The following NLGN1 variants were observed in gnomAD, a reference collection of about 807,000 sequenced individuals.
NLGN1 encodes the protein neuroligin 1.
Under a neutral mutation model 65.5 loss-of-function variants are expected in NLGN1, and 12 were observed. That is an observed-to-expected ratio of 0.18 (90% CI 0.12 to 0.30). The LOEUF is 0.30. Ranked by LOEUF, NLGN1 falls within the 10% of genes least tolerant of loss-of-function variation. NLGN1 has a pLI of 1.00. For missense variants in NLGN1, 750 were observed against 1,007.1 expected, an observed-to-expected ratio of 0.74 and a Z score of 3.46; for synonymous variants, 350 against 359.5, an observed-to-expected ratio of 0.97 and a Z score of 0.30.
chr3:173,680,966 C>T (rs1298487994), intron 3 of NLGN1, among the ~76,000 whole-genome samples: 1 of 151,882 alleles, frequency 6.6e-6, no homozygotes, highest in Non-Finnish European at 1.5e-5. Flanking sequence ...TTTTTAAAAC[C>T]CTATAATAAT....
At chr3:173,536,884 G>A (rs1424038937) in intron 2 of NLGN1, among the ~76,000 whole-genome samples, 2 of 152,142 alleles carry the variant, frequency 1.3e-5, no homozygotes, top group Admixed American at 1.3e-4. Flanking sequence ...CAGGAGAACT[G>A]TTGTTATAAT....
At chr3:173,472,715 TA>T (rs1204524699) in intron 2 of NLGN1, among the ~76,000 whole-genome samples, 1 of 152,106 alleles carries the variant, frequency 6.6e-6, no homozygotes, top group Non-Finnish European at 1.5e-5. Context: ...TGGGAATACA[TA>T]AAAAACGTCA....
chr3:174,115,384 A>G (rs1047288423), intron 4 of NLGN1, among the ~76,000 whole-genome samples: 8 of 152,194 alleles, frequency 5.3e-5, no homozygotes, highest in Non-Finnish European at 1.0e-4. Context: ...GGAAAACAAG[A>G]TTCGATCTCA....
intron 3 of NLGN1, among the ~76,000 whole-genome samples, chr3:173,620,749 A>C (rs1173253146): frequency 6.6e-6 from 1 of 152,124 alleles, no homozygotes; most frequent in East Asian, 1.9e-4. Flanking sequence ...GATAGATAAC[A>C]CAGAAGTGGG....
chr3:174,212,269 C>A (rs1008964705), intron 4 of NLGN1, among the ~76,000 whole-genome samples: 1 of 152,206 alleles, frequency 6.6e-6, no homozygotes, highest in African/African-American at 2.4e-5. Context: ...GCTCTGAGTG[C>A]GGGGCCCTCC....
chr3:173,667,391 T>A (rs1341041340), intron 3 of NLGN1, among the ~76,000 whole-genome samples: 1 of 152,148 alleles, frequency 6.6e-6, no homozygotes, highest in East Asian at 1.9e-4. Flanking sequence ...AATTTTGGAC[T>A]TGAAGAAAAA....
At chr3:174,235,187 T>A (rs1174892596) in intron 4 of NLGN1, among the ~76,000 whole-genome samples, 1 of 151,916 alleles carries the variant, frequency 6.6e-6, no homozygotes, top group Admixed American at 6.6e-5. Flanking sequence ...TCCAAATTTA[T>A]TTAGAAATCT....
At chr3:174,181,841 C>T (rs762064488) in intron 4 of NLGN1, among the ~76,000 whole-genome samples, 60 of 147,768 alleles carry the variant, frequency 4.1e-4, no homozygotes, top group East Asian at 1.9e-4. Context: ...GCCAGCATGG[C>T]GGCATGTGCC....
intron 4 of NLGN1, among the ~76,000 whole-genome samples, chr3:174,127,773 G>A (rs763355424): frequency 3.4e-4 from 51 of 152,026 alleles, no homozygotes; most frequent in Non-Finnish European, 6.2e-4. Context: ...CAATAAGTTG[G>A]GTCCATTTAA....
chr3:173,427,735 T>C lies in NLGN1; in HGVS notation c.-389-7275T>C, dbSNP rs796114002. Among the ~76,000 whole-genome samples the C allele has an allele frequency of 4.6e-5, 7 of 151,948 alleles. No homozygotes were observed. The South Asian group carries it at 1.2e-3, about 27-fold the overall frequency. ...CAGACTTGCTTTGTGGCCTAAGATATGGTCTATCCTGGAGAAGTTCAATAG... is the reference window on the plus strand; with the variant it reads ...CAGACTTGCTTTGTGGCCTAAGATACGGTCTATCCTGGAGAAGTTCAATAG... On this transcript the variant is annotated intron_variant, in intron 1 of 6. Coordinates refer to ENST00000457714, the Ensembl canonical transcript of NLGN1.
chr3:173,654,227 T>C (rs1759639212), intron 3 of NLGN1, among the ~76,000 whole-genome samples: 1 of 152,188 alleles, frequency 6.6e-6, no homozygotes, highest in Non-Finnish European at 1.5e-5. Context: ...TGTCATCAAA[T>C]ACTCTTTATA....
intron 3 of NLGN1, among the ~76,000 whole-genome samples, chr3:173,612,026 A>G (rs950517926): frequency 2.6e-5 from 4 of 151,950 alleles, no homozygotes; most frequent in Non-Finnish European, 5.9e-5. Context: ...TGAGTTCTAT[A>G]TTACTCACCA....
intron 4 of NLGN1, among the ~76,000 whole-genome samples, chr3:174,052,667 C>T (rs979133341): frequency 6.6e-5 from 10 of 151,998 alleles, no homozygotes; most frequent in Non-Finnish European, 1.2e-4. Flanking sequence ...TTTATTTAAA[C>T]TCTTATCTTA....
At chr3:173,528,507 C>T (rs1046086824) in intron 2 of NLGN1, among the ~76,000 whole-genome samples, 4 of 152,084 alleles carry the variant, frequency 2.6e-5, no homozygotes, top group Admixed American at 2.6e-4. Flanking sequence ...AGGAAATTTT[C>T]CTGCATTATT....
intron 2 of NLGN1, among the ~76,000 whole-genome samples, chr3:173,594,734 G>A (rs1286243174): frequency 6.6e-6 from 1 of 152,246 alleles, no homozygotes; most frequent in Non-Finnish European, 1.5e-5. Context: ...GCAAACTTCA[G>A]CCTGGGCATC....
Position 173,862,187 on chromosome 3 carries a change from A to G in NLGN1, c.646+54355A>G, listed in dbSNP as rs148984541. On this transcript the variant is annotated intron_variant, in intron 4 of 6. Transcript: ENST00000457714. ...GGATTACTGTTCAAATCAATAACTAACTACATCTACATGTGCTGATATGGA... is the reference window on the plus strand; with the variant it reads ...GGATTACTGTTCAAATCAATAACTAGCTACATCTACATGTGCTGATATGGA... Among the ~76,000 whole-genome samples the G allele has an allele frequency of 7.5e-3, 1,134 of 152,174 alleles. 19 individuals are homozygous for G. Among genetic ancestry groups the G allele is most frequent in the East Asian group, 0.027 (142 of 5,168 alleles).
intron 2 of NLGN1, among the ~76,000 whole-genome samples, chr3:173,576,286 T>C (rs1745485131): frequency 1.3e-5 from 2 of 152,188 alleles, no homozygotes; most frequent in Admixed American, 6.5e-5. Context: ...ATTTCCATAA[T>C]ATTTTTAATA....
intron 3 of NLGN1, among the ~76,000 whole-genome samples, chr3:173,624,026 T>C (rs996319951): frequency 6.6e-6 from 1 of 151,812 alleles, no homozygotes; most frequent in Non-Finnish European, 1.5e-5. Flanking sequence ...AGTTCAGGAG[T>C]TGTTCTCCAT....
At chr3:173,419,775 C>A (rs138288704) in intron 1 of NLGN1, among the ~76,000 whole-genome samples, 1 of 152,046 alleles carries the variant, frequency 6.6e-6, no homozygotes, top group Non-Finnish European at 1.5e-5. Context: ...TCAAGACCAT[C>A]CTGGCCAACA....
Sources: gnomAD v4.1 joint callset for allele counts (sites outside exome capture counted in the v4.1 genomes callset) on GRCh38, gnomAD v4.1.1 for gene constraint, MANE v1.5 for transcripts, NCBI Gene and HGNC (gene_info 2026-07-23, HGNC 2026-07-21) for gene names.